PARD3: variants seen among roughly 807,000 people sequenced by gnomAD.
The protein encoded by PARD3 is partitioning defective 3 homolog.
Under a neutral mutation model 155.4 loss-of-function variants are expected in PARD3, and 75 were observed. The observed-to-expected ratio is 0.48, with a 90% CI of 0.40 to 0.58. The LOEUF (loss-of-function observed/expected upper bound fraction) is 0.58. PARD3 is among the 20% of genes least tolerant of loss of function. The pLI, the probability that PARD3 is intolerant of heterozygous loss-of-function variation, is 0.00. For synonymous variants in PARD3, 576 were observed against 610.5 expected, an observed-to-expected ratio of 0.94 and a Z score of 0.83; for missense variants, 1,642 against 1,721.7, an observed-to-expected ratio of 0.95 and a Z score of 0.82.
At chr10:34,208,832 G>C (rs1268037446) in intron 22 of PARD3, among the ~76,000 whole-genome samples, 2 of 152,054 alleles carry the variant, frequency 1.3e-5, no homozygotes, top group Non-Finnish European at 2.9e-5. Context: ...TAACAATCGA[G>C]GGTTTTGATG....
chr10:34,597,623 T>C (rs2089406484), intron 2 of PARD3, among the ~76,000 whole-genome samples: 1 of 152,160 alleles, frequency 6.6e-6, no homozygotes, highest in African/African-American at 2.4e-5. Context: ...CAATTTTCAC[T>C]TTGCCATATT....
At chr10:34,422,706 G>A (rs575854565) in intron 5 of PARD3, among the ~76,000 whole-genome samples, 23 of 152,158 alleles carry the variant, frequency 1.5e-4, no homozygotes, top group African/African-American at 5.3e-4. Context: ...TAATCATCAG[G>A]GAATTGCAAA....
intron 24 of PARD3, among the ~76,000 whole-genome samples, chr10:34,115,395 T>TA (rs1946613545): frequency 6.6e-6 from 1 of 152,166 alleles, no homozygotes; most frequent in Admixed American, 6.5e-5. Flanking sequence ...CGCACGCCTC[T>TA]ATTCCTTTTG....
intron 2 of PARD3, among the ~76,000 whole-genome samples, chr10:34,677,570 G>C (rs1009144551): frequency 7.2e-5 from 11 of 151,926 alleles, no homozygotes; most frequent in African/African-American, 2.7e-4. Context: ...CATATTAAGT[G>C]TCCATTCTAT....
At chr10:34,748,696 C>T (rs79861616) in intron 1 of PARD3, among the ~76,000 whole-genome samples, 4,659 of 152,130 alleles carry the variant, frequency 0.031, 228 homozygotes, top group African/African-American at 0.11. Context: ...TCACCTCCTC[C>T]GTAACACTGG....
At chr10:34,790,162 G>A (rs533765351) in intron 1 of PARD3, among the ~76,000 whole-genome samples, 3 of 152,184 alleles carry the variant, frequency 2.0e-5, no homozygotes, top group Non-Finnish European at 4.4e-5. Flanking sequence ...TGAGCAAGCA[G>A]TTTCTAGACT....
chr10:34,267,693 C>T (rs1386839310), intron 22 of PARD3, among the ~76,000 whole-genome samples: 1 of 152,206 alleles, frequency 6.6e-6, no homozygotes, highest in Non-Finnish European at 1.5e-5. Context: ...CAAAACGTAG[C>T]AACCAATAAC....
At chr10:34,807,185 A>C (rs1026868516) in intron 1 of PARD3, among the ~76,000 whole-genome samples, 1 of 152,214 alleles carries the variant, frequency 6.6e-6, no homozygotes, top group Non-Finnish European at 1.5e-5. Flanking sequence ...AACAGGACAC[A>C]TTGGACAGGC....
At chr10:34,378,571 G>T (rs1841491380) in intron 9 of PARD3, among the ~76,000 whole-genome samples, 1 of 152,180 alleles carries the variant, frequency 6.6e-6, no homozygotes, top group South Asian at 2.1e-4. Flanking sequence ...ACAGTGAAAT[G>T]AGAGGTATCT....
In PARD3 at chr10:34,696,567, C is replaced by T. The variant is rs570629171; in HGVS notation, c.121-148G>A. 2.5e-4 allele frequency: 159 copies of T among 626,116 alleles called. 4 individuals are homozygous for T. The highest frequency in any genetic ancestry group is 1.7e-3 in the South Asian group (88 of 51,542). 38.8% of individuals were successfully genotyped at this position (626,116 alleles called of 1,614,324 possible). A position where few individuals can be genotyped will look rare whatever the true frequency, so the allele number is the denominator to read the frequency against. On this transcript the variant is annotated intron_variant, in intron 1 of 24. Coordinates refer to ENST00000374788, the MANE Select transcript of PARD3 (RefSeq NM_001184785.2). ...CAACTGATTAAAAATTCAGACAGCA[C>T]CCTAAGTTTGGTATTGAGTCACTGC...
chr10:34,256,559 G>A (rs1246044786), intron 22 of PARD3, among the ~76,000 whole-genome samples: 1 of 152,214 alleles, frequency 6.6e-6, no homozygotes, highest in African/African-American at 2.4e-5. Flanking sequence ...AGCTGCAAGA[G>A]ACATCCACCC....
intron 5 of PARD3, among the ~76,000 whole-genome samples, chr10:34,403,480 A>G (rs1844116396): frequency 6.6e-6 from 1 of 152,230 alleles, no homozygotes; most frequent in African/African-American, 2.4e-5. Context: ...ACAATATATT[A>G]AATCATTGAA....
chr10:34,578,389 T>C (rs888546890), intron 2 of PARD3, among the ~76,000 whole-genome samples: 2 of 152,170 alleles, frequency 1.3e-5, no homozygotes, highest in Non-Finnish European at 2.9e-5. Flanking sequence ...ATTCACAAAA[T>C]TGCAACCTCA....
intron 15 of PARD3, among the ~76,000 whole-genome samples, chr10:34,342,947 TATAA>T (rs1836993836): frequency 3.9e-5 from 6 of 152,220 alleles, no homozygotes; most frequent in Admixed American, 3.9e-4. Flanking sequence ...TAACAGCTTA[TATAA>T]ATGCTAATGA....
intron 1 of PARD3, among the ~76,000 whole-genome samples, chr10:34,697,031 C>T (rs949379737): frequency 4.1e-5 from 6 of 145,120 alleles, no homozygotes; most frequent in Non-Finnish European, 5.9e-5. Flanking sequence ...TATTAAAATG[C>T]GTAAACACAC....
At chr10:34,639,711 A>G (rs1373556111) in intron 2 of PARD3, among the ~76,000 whole-genome samples, 1 of 152,172 alleles carries the variant, frequency 6.6e-6, no homozygotes, top group Non-Finnish European at 1.5e-5. Context: ...TTTAAAGAAT[A>G]AAAAATTAGC....
At chr10:34,304,502 A>G (rs777900846) in intron 20 of PARD3, among the ~76,000 whole-genome samples, 6 of 152,230 alleles carry the variant, frequency 3.9e-5, no homozygotes, top group Non-Finnish European at 7.3e-5. Context: ...CACTCACAAT[A>G]GCAATGCCAT....
chr10:34,761,564 AAGTTATAAAATTCCTGGG>A (rs1191578535), intron 1 of PARD3, among the ~76,000 whole-genome samples: 1 of 152,250 alleles, frequency 6.6e-6, no homozygotes, highest in Non-Finnish European at 1.5e-5. Context: ...AAATATAGCC[AAGTTATAAAATTCCTGGG>A]AGATTTCCAG....
intron 22 of PARD3, among the ~76,000 whole-genome samples, chr10:34,247,688 T>A (rs1339176960): frequency 6.6e-5 from 10 of 152,206 alleles, no homozygotes; most frequent in Admixed American, 6.5e-4. Context: ...AGGCTTGGGA[T>A]GGAATGAATA....
Sources: allele counts gnomAD v4.1 joint callset (sites outside exome capture counted in the v4.1 genomes callset), GRCh38; gene constraint gnomAD v4.1.1; transcripts MANE v1.5; gene names NCBI Gene and HGNC (gene_info 2026-07-23, HGNC 2026-07-21).